DGKB: variants seen among roughly 807,000 people sequenced by gnomAD.
DGKB encodes 90 kDa diacylglycerol kinase.
Under a neutral mutation model 114.3 loss-of-function variants are expected in DGKB, and 67 were observed. The ratio of observed to expected loss-of-function variants is 0.59; its 90% CI spans 0.48 to 0.72. The LOEUF (loss-of-function observed/expected upper bound fraction) is 0.72, where lower values mean the gene tolerates loss of function less well. Ranked by LOEUF, DGKB falls within the 30% of genes least tolerant of loss-of-function variation. The pLI, the probability that DGKB is intolerant of heterozygous loss-of-function variation, is 0.00. For synonymous variants in DGKB, 398 were observed against 323.1 expected (o/e 1.23, Z -2.49); for missense variants, 907 against 975.2 (o/e 0.93, Z 0.93).
At chr7:14,242,862 G>T (rs944284740) in intron 23 of DGKB, among the ~76,000 whole-genome samples, 1 of 85,368 alleles carries the variant, frequency 1.2e-5, no homozygotes, top group African/African-American at 5.9e-5. Context: ...AATATATGAA[G>T]GCTGTTTTTT....
intron 9 of DGKB, among the ~76,000 whole-genome samples, chr7:14,690,532 G>A (rs868358992): frequency 2.6e-5 from 4 of 152,142 alleles, no homozygotes; most frequent in South Asian, 2.1e-4. Context: ...ACAGATCAGC[G>A]GTTGGCAAAC....
chr7:14,778,671 A>C lies in DGKB; in HGVS notation c.71-20940T>G, dbSNP rs116488095. On this transcript the variant is annotated intron_variant, in intron 2 of 25. Transcript: ENST00000402815. ...CTAACAGAAAAACATACCTAAACTAAGAAACGATTGGTTTTATTCAGTTAG... is the reference window on the plus strand; with the variant it reads ...CTAACAGAAAAACATACCTAAACTACGAAACGATTGGTTTTATTCAGTTAG... Among the ~76,000 whole-genome samples the C allele has an allele frequency of 6.0e-3, 908 of 152,310 alleles. 3 individuals are homozygous for C. Among genetic ancestry groups the C allele is most frequent in the African/African-American group, 0.021 (869 of 41,560 alleles).
At position 14,487,058 on chromosome 7, in the gene DGKB, T is replaced by C. The variant is rs142943124; in HGVS notation, c.1771-8833A>G. Among the ~76,000 whole-genome samples the C allele has an allele frequency of 8.6e-3, 1,308 of 152,324 alleles. 10 individuals carry two copies. Among genetic ancestry groups the C allele is most frequent in the South Asian group, 0.027 (131 of 4,830 alleles). Reference sequence around the variant, plus strand: ...TAATGGCAAGAGTCATCTTGTTAAGTAACACATGCCACGTACCGTGGTGGG... The same window carrying C: ...TAATGGCAAGAGTCATCTTGTTAAGCAACACATGCCACGTACCGTGGTGGG... On this transcript the variant is annotated intron_variant, in intron 20 of 25. Coordinates refer to ENST00000402815, the MANE Select transcript of DGKB (RefSeq NM_001350709.2).
intron 1 of DGKB, among the ~76,000 whole-genome samples, chr7:14,852,741 C>T (rs965635837): frequency 6.6e-6 from 1 of 152,102 alleles, no homozygotes; most frequent in East Asian, 1.9e-4. Context: ...GAATGGCTTT[C>T]TCAATCTATC....
intron 23 of DGKB, among the ~76,000 whole-genome samples, chr7:14,217,761 A>G (rs1048761062): frequency 6.6e-6 from 1 of 152,060 alleles, no homozygotes; most frequent in African/African-American, 2.4e-5. Context: ...TTTCCCTGTG[A>G]GGTCACCATG....
At chr7:14,791,880 G>A (rs1176150134) in intron 2 of DGKB, among the ~76,000 whole-genome samples, 1 of 151,382 alleles carries the variant, frequency 6.6e-6, no homozygotes, top group Non-Finnish European at 1.5e-5. Flanking sequence ...TCCTTTTTTT[G>A]GTCTTCATTT....
rs1178192373 is a variant in DGKB at position 14,574,214 on chromosome 7, C to T, written c.1768G>A (p.Val590Met). ...TAAAATTTAGTGGAGAATCTTACCACGCCAATGGAAAAGTAATTATTGATG... is the reference window on the plus strand; with the variant it reads ...TAAAATTTAGTGGAGAATCTTACCATGCCAATGGAAAAGTAATTATTGATG... ...SIINNYFSIGVDASIAHRFHI... is the reference protein window; with the variant it reads ...SIINNYFSIGMDASIAHRFHI... The change falls in exon 20 of 26, where the codon GTG becomes ATG. Residue 590 changes from valine (V) to methionine (M), a missense_variant and splice_region_variant. Transcript: ENST00000402815. 2 of 1,611,806 alleles carry T rather than the reference C, an allele frequency of 1.2e-6. No homozygotes were observed. Among genetic ancestry groups the T allele is most frequent in the African/African-American group, 1.3e-5 (1 of 74,834 alleles).
In DGKB at chr7:14,694,000, A is replaced by C. The variant is rs961818075; in HGVS notation, c.711+75T>G. 2.7e-6 allele frequency: 4 copies of C among 1,500,408 alleles called. No homozygotes were observed. The South Asian group carries it at 5.1e-5, about 19-fold the overall frequency. The allele number at this position is 1,500,408 out of a possible 1,614,324, so 92.9% of individuals were successfully genotyped here. A position where few individuals can be genotyped will look rare whatever the true frequency, so the allele number is the denominator to read the frequency against. On this transcript the variant is annotated intron_variant, in intron 9 of 25. Transcript: ENST00000402815. ...TTAATGGTAGAAAATGGTCACATCA[A>C]TCTGTAATCAAAATGTGTAATAGAG... is the stretch of plus-strand genomic sequence containing the variant.
chr7:14,909,592 T>C (rs1562868372), intron 1 of DGKB, among the ~76,000 whole-genome samples: 1 of 152,184 alleles, frequency 6.6e-6, no homozygotes, highest in African/African-American at 2.4e-5. Flanking sequence ...AGTATAAAAA[T>C]TTAAATCTGC....
At chr7:14,590,436 A>G (rs747251362) in intron 17 of DGKB, among the ~76,000 whole-genome samples, 6 of 152,074 alleles carry the variant, frequency 3.9e-5, no homozygotes, top group Non-Finnish European at 8.8e-5. Context: ...TTGTTCTTCT[A>G]TTCCATGATG....
intron 13 of DGKB, among the ~76,000 whole-genome samples, chr7:14,661,018 T>G (rs1157724038): frequency 6.7e-6 from 1 of 149,416 alleles, no homozygotes; most frequent in East Asian, 2.0e-4. Context: ...AAGCTGAAAC[T>G]GGATCCCTTC....
intron 25 of DGKB, among the ~76,000 whole-genome samples, chr7:14,151,670 T>G (rs1021625616): frequency 2.6e-5 from 4 of 152,066 alleles, no homozygotes; most frequent in Non-Finnish European, 4.4e-5. Context: ...ATTTCTACAG[T>G]CAAAGTACAC....
chr7:14,551,546 C>T (rs762984425), intron 20 of DGKB, among the ~76,000 whole-genome samples: 47 of 152,148 alleles, frequency 3.1e-4, no homozygotes, highest in Middle Eastern at 3.4e-3. Context: ...AATCAATACT[C>T]TATGTAGGGA....
chr7:14,727,523 G>A (rs1169014958), intron 5 of DGKB, among the ~76,000 whole-genome samples: 2 of 152,108 alleles, frequency 1.3e-5, no homozygotes, highest in African/African-American at 2.4e-5. Context: ...AAATAAATAT[G>A]AATTGGCCAG....
At chr7:14,193,147 G>A (rs1584370382) in intron 23 of DGKB, among the ~76,000 whole-genome samples, 2 of 150,076 alleles carry the variant, frequency 1.3e-5, no homozygotes, top group Admixed American at 1.4e-4. Flanking sequence ...TGTGGCCTGG[G>A]GGTTAGGGAC....
chr7:14,419,071 A>T (rs1411520818), intron 21 of DGKB, among the ~76,000 whole-genome samples: 1 of 151,972 alleles, frequency 6.6e-6, no homozygotes, highest in Non-Finnish European at 1.5e-5. Flanking sequence ...GAGAAAGGAG[A>T]ATAATAGAAT....
At chr7:14,797,526 C>T (rs1238230248) in intron 2 of DGKB, among the ~76,000 whole-genome samples, 2 of 152,016 alleles carry the variant, frequency 1.3e-5, no homozygotes, top group Non-Finnish European at 2.9e-5. Flanking sequence ...AATATATATC[C>T]AAATCTGCAT....
At chr7:14,877,793 C>T (rs1043362205) in intron 1 of DGKB, among the ~76,000 whole-genome samples, 7 of 152,138 alleles carry the variant, frequency 4.6e-5, no homozygotes, top group African/African-American at 1.4e-4. Context: ...CTTCACAATG[C>T]TAAGTTCCAC....
chr7:14,358,342 C>A (rs775138877), intron 21 of DGKB, among the ~76,000 whole-genome samples: 1 of 152,096 alleles, frequency 6.6e-6, no homozygotes, highest in Admixed American at 6.6e-5. Context: ...GTAATTTGAT[C>A]TTCAATCACC....
Sources: allele counts gnomAD v4.1 joint callset (sites outside exome capture counted in the v4.1 genomes callset), GRCh38; gene constraint gnomAD v4.1.1; transcripts MANE v1.5; gene names NCBI Gene and HGNC (gene_info 2026-07-23, HGNC 2026-07-21).